The following LRRC4C variants were observed in gnomAD, a reference collection of about 807,000 sequenced individuals.
LRRC4C encodes the protein leucine-rich repeat-containing protein 4C.
Under a neutral mutation model 33.6 loss-of-function variants are expected in LRRC4C, and 5 were observed. The ratio of observed to expected loss-of-function variants is 0.15; its 90% CI spans 0.08 to 0.31. The LOEUF (loss-of-function observed/expected upper bound fraction) is 0.31. LRRC4C is among the 10% of genes least tolerant of loss of function. The pLI, the probability that LRRC4C is intolerant of heterozygous loss-of-function variation, is 1.00. For synonymous variants in LRRC4C, 329 were observed against 302.0 expected, an observed-to-expected ratio of 1.09 and a Z score of -0.93; for missense variants, 560 against 796.7, an observed-to-expected ratio of 0.70 and a Z score of 3.58.
At chr11:40,759,542 TTG>T (rs1949102228) in intron 2 of LRRC4C, among the ~76,000 whole-genome samples, 1 of 151,864 alleles carries the variant, frequency 6.6e-6, no homozygotes, top group African/African-American at 2.4e-5. Flanking sequence ...GCAAAAGTAA[TTG>T]CGGTTTTTGT....
chr11:41,455,175 T>G (rs564205167), intron 1 of LRRC4C, among the ~76,000 whole-genome samples: 1 of 152,246 alleles, frequency 6.6e-6, no homozygotes, highest in Admixed American at 6.5e-5. Context: ...AATCACTGTA[T>G]GCTGTGCTAT....
chr11:41,062,692 C>T (rs1300434319), intron 1 of LRRC4C, among the ~76,000 whole-genome samples: 2 of 152,098 alleles, frequency 1.3e-5, no homozygotes, highest in African/African-American at 4.8e-5. Context: ...TACCTAGAAA[C>T]TTGGAATGTG....
chr11:40,243,769 A>G (rs550861219), intron 4 of LRRC4C, among the ~76,000 whole-genome samples: 77 of 142,704 alleles, frequency 5.4e-4, no homozygotes, highest in African/African-American at 1.9e-3. Context: ...GGCTTGCTAC[A>G]TCCTCTTCCT....
At chr11:40,156,286 A>T (rs1858684728) in intron 5 of LRRC4C, among the ~76,000 whole-genome samples, 1 of 152,042 alleles carries the variant, frequency 6.6e-6, no homozygotes, top group South Asian at 2.1e-4. Flanking sequence ...CTCTGAATGA[A>T]CAAGACAAGG....
At chr11:40,707,814 A>AG (rs1247086935) in intron 2 of LRRC4C, among the ~76,000 whole-genome samples, 1 of 152,182 alleles carries the variant, frequency 6.6e-6, no homozygotes, top group African/African-American at 2.4e-5. Flanking sequence ...CCTCTGGTAT[A>AG]ATTCGGCTGT....
rs113759089 is a variant in LRRC4C, at chr11:40,760,789, A to G, written c.-406-112511T>C. On this transcript the variant is annotated intron_variant, in intron 2 of 6. Transcript: ENST00000528697. ...GCACACCTGGCCAATTTTTGTGTGT[A>G]TATATATATATACACACACACACAC... Among the ~76,000 whole-genome samples the G allele has an allele frequency of 3.3e-4, 15 of 44,902 alleles. No individual in the cohort carries two copies. In the South Asian group the frequency reaches 3.6e-3, roughly 11 times the overall value. The allele number at this position is 44,902 out of a possible 152,430, so 29.5% of individuals were successfully genotyped here.
intron 1 of LRRC4C, among the ~76,000 whole-genome samples, chr11:41,072,434 G>C (rs1182316008): frequency 6.6e-6 from 1 of 151,970 alleles, no homozygotes; most frequent in Non-Finnish European, 1.5e-5. Context: ...AATAATGGGG[G>C]TGGACTTCCC....
chr11:40,765,056 C>A (rs532139577), intron 2 of LRRC4C, among the ~76,000 whole-genome samples: 18 of 152,270 alleles, frequency 1.2e-4, no homozygotes, highest in Admixed American at 1.0e-3. Flanking sequence ...AGCAGCAAGA[C>A]CATCCAGGAA....
chr11:41,122,619 AATAG>A (rs2064468466), intron 1 of LRRC4C, among the ~76,000 whole-genome samples: 2 of 152,004 alleles, frequency 1.3e-5, no homozygotes, highest in Non-Finnish European at 2.9e-5. Context: ...TGTAAAAATA[AATAG>A]ATAGAAATAT....
chr11:40,457,200 C>T (rs1052948806), intron 3 of LRRC4C, among the ~76,000 whole-genome samples: 2 of 149,314 alleles, frequency 1.3e-5, no homozygotes, highest in Admixed American at 6.7e-5. Flanking sequence ...AAACAAATCA[C>T]ATGTTGATTG....
chr11:41,400,796 C>T (rs995718722), intron 1 of LRRC4C, among the ~76,000 whole-genome samples: 7 of 151,822 alleles, frequency 4.6e-5, no homozygotes, highest in African/African-American at 1.4e-4. Context: ...AAACAGAAAA[C>T]GTGCATCAGT....
chr11:40,466,614 T>C (rs182314525), intron 3 of LRRC4C, among the ~76,000 whole-genome samples: 8 of 151,870 alleles, frequency 5.3e-5, no homozygotes, highest in African/African-American at 1.4e-4. Context: ...TTTTACATAT[T>C]ACAAAGCCTT....
chr11:40,220,614 A>T (rs1864333440), intron 5 of LRRC4C, among the ~76,000 whole-genome samples: 1 of 152,192 alleles, frequency 6.6e-6, no homozygotes, highest in Admixed American at 6.5e-5. Context: ...CAAAAGCAAC[A>T]GTTTTCAAAC....
At chr11:40,388,081 A>G (rs1269233292) in intron 3 of LRRC4C, among the ~76,000 whole-genome samples, 1 of 152,156 alleles carries the variant, frequency 6.6e-6, no homozygotes, top group Non-Finnish European at 1.5e-5. Context: ...TAAAATATGT[A>G]TTGAGAAAAG....
At chr11:40,210,599 A>G (rs963042046) in intron 5 of LRRC4C, among the ~76,000 whole-genome samples, 6 of 152,104 alleles carry the variant, frequency 3.9e-5, no homozygotes, top group Non-Finnish European at 5.9e-5. Context: ...CCCTGCATCT[A>G]TTGAAATCGT....
At chr11:40,624,315 G>A (rs1365136021) in intron 3 of LRRC4C, among the ~76,000 whole-genome samples, 1 of 152,044 alleles carries the variant, frequency 6.6e-6, no homozygotes, top group African/African-American at 2.4e-5. Flanking sequence ...GCTTAAACTA[G>A]TCTTTAGCTC....
chr11:40,151,729 C>G (rs1858230099), intron 5 of LRRC4C, among the ~76,000 whole-genome samples: 1 of 152,080 alleles, frequency 6.6e-6, no homozygotes, highest in African/African-American at 2.4e-5. Context: ...AGCTGGAAGC[C>G]TATACTTTTG....
intron 1 of LRRC4C, among the ~76,000 whole-genome samples, chr11:41,211,779 C>G (rs543484377): frequency 6.6e-6 from 1 of 152,124 alleles, no homozygotes; most frequent in Admixed American, 6.5e-5. Flanking sequence ...TGAGTAGAGC[C>G]GCAATAAACA....
intron 4 of LRRC4C, among the ~76,000 whole-genome samples, chr11:40,261,947 A>C (rs1023717468): frequency 1.1e-4 from 16 of 152,220 alleles, no homozygotes; most frequent in Non-Finnish European, 2.2e-4. Flanking sequence ...AAAACACCGA[A>C]AGCAATGGCA....
Sources: allele counts gnomAD v4.1 joint callset (sites outside exome capture counted in the v4.1 genomes callset), GRCh38; gene constraint gnomAD v4.1.1; transcripts MANE v1.5; gene names NCBI Gene and HGNC (gene_info 2026-07-23, HGNC 2026-07-21).